The following CDH4 variants were observed in gnomAD, a reference collection of about 807,000 sequenced individuals.
The protein encoded by CDH4 is cadherin-4.
Under a neutral mutation model 86.0 loss-of-function variants are expected in CDH4, and 33 were observed. The observed-to-expected ratio is 0.38, with a 90% CI of 0.29 to 0.51. CDH4 has a LOEUF of 0.51. Among genes scored for constraint, CDH4 ranks in the 20% least tolerant of loss-of-function variants. CDH4 has a pLI of 0.86. For synonymous variants in CDH4, 555 were observed against 549.4 expected, an observed-to-expected ratio of 1.01 and a Z score of -0.14; for missense variants, 1,114 against 1,307.4, an observed-to-expected ratio of 0.85 and a Z score of 2.28.
At chr20:61,383,825 A>G (rs1479153804) in intron 2 of CDH4, among the ~76,000 whole-genome samples, 1 of 96,540 alleles carries the variant, frequency 1.0e-5, no homozygotes, top group Non-Finnish European at 2.2e-5. Flanking sequence ...ATATGCGTAT[A>G]TATGAAGATA....
intron 2 of CDH4, among the ~76,000 whole-genome samples, chr20:61,604,126 C>G (rs1032153116): frequency 6.6e-6 from 1 of 152,210 alleles, no homozygotes; most frequent in African/African-American, 2.4e-5. Flanking sequence ...AACTCCCAGT[C>G]CAAAGTGCTG....
intron 2 of CDH4, among the ~76,000 whole-genome samples, chr20:61,514,428 T>C (rs1364819779): frequency 6.6e-6 from 1 of 151,928 alleles, no homozygotes; most frequent in East Asian, 1.9e-4. Context: ...GATGTTATCT[T>C]GGGTTTCCAT....
At chr20:61,273,585 A>G (rs1261082247) in intron 2 of CDH4, among the ~76,000 whole-genome samples, 6 of 90,610 alleles carry the variant, frequency 6.6e-5, no homozygotes, top group African/African-American at 8.9e-5. Flanking sequence ...GGGAATACCG[A>G]GTGCAGTTTG....
At chr20:61,358,839 A>C (rs184776683) in intron 2 of CDH4, among the ~76,000 whole-genome samples, 1 of 152,300 alleles carries the variant, frequency 6.6e-6, no homozygotes, top group Non-Finnish European at 1.5e-5. Flanking sequence ...GAGCCACGGA[A>C]ACCGTTCCCT....
chr20:61,867,049 G>T (rs1023793751), intron 6 of CDH4, among the ~76,000 whole-genome samples: 1 of 152,242 alleles, frequency 6.6e-6, no homozygotes, highest in African/African-American at 2.4e-5. Context: ...GGAGCATCCA[G>T]TGAGGAACCA....
chr20:61,419,874 A>G (rs1257629780), intron 2 of CDH4, among the ~76,000 whole-genome samples: 2 of 152,218 alleles, frequency 1.3e-5, no homozygotes, highest in African/African-American at 4.8e-5. Context: ...CACAGCCATC[A>G]TCAGAATTGA....
chr20:61,367,854 C>T (rs961874709), intron 2 of CDH4, among the ~76,000 whole-genome samples: 3 of 149,824 alleles, frequency 2.0e-5, no homozygotes, highest in African/African-American at 7.4e-5. Context: ...CTGGAAATGC[C>T]TTTCTCCAGG....
intron 2 of CDH4, among the ~76,000 whole-genome samples, chr20:61,726,768 C>T (rs548812484): frequency 6.6e-6 from 1 of 151,852 alleles, no homozygotes; most frequent in East Asian, 1.9e-4. Context: ...TCGGAGGCAT[C>T]ACCATTGCTG....
At chr20:61,274,809 C>CTGTGTG (rs2084217296) in intron 2 of CDH4, among the ~76,000 whole-genome samples, 1 of 138,756 alleles carries the variant, frequency 7.2e-6, no homozygotes. Flanking sequence ...TGGGGGAGTA[C>CTGTGTG]CATGTGCAGT....
chr20:61,733,488 C>T (rs1350602814), intron 2 of CDH4, among the ~76,000 whole-genome samples: 1 of 152,148 alleles, frequency 6.6e-6, no homozygotes, highest in African/African-American at 2.4e-5. Flanking sequence ...CCCACAGACC[C>T]TCTGCTCCCT....
intron 4 of CDH4, among the ~76,000 whole-genome samples, chr20:61,834,529 G>A (rs905204978): frequency 1.3e-5 from 2 of 152,224 alleles, no homozygotes; most frequent in African/African-American, 4.8e-5. Flanking sequence ...GAAAGTAGAC[G>A]CTGTGTGACA....
chr20:61,607,667 G>A (rs937862049), intron 2 of CDH4, among the ~76,000 whole-genome samples: 4 of 152,150 alleles, frequency 2.6e-5, no homozygotes, highest in African/African-American at 4.8e-5. Flanking sequence ...ATCAAGCCAG[G>A]GCCAAAGACC....
In CDH4 at chr20:61,844,746, G is replaced by A. The variant is rs2146101899; in HGVS notation, c.655G>A (p.Val219Ile). Residue 219 changes from valine (V) to isoleucine (I), a missense_variant, in exon 5 of 16, where the codon GTC becomes ATC. Around this residue, in one of 3 missense-constraint regions of CDH4, gnomAD observed 705 missense variants for 914.1 expected, o/e 0.77. Transcript: ENST00000614565. The part of the protein sequence containing the change: ...GVGADQPPME[V>I]FSIDSMSGRM... ...GGGCGCCGACCAGCCCCCCATGGAG[G>A]TCTTCAGCATTGACTCCATGTCCGG... 1.9e-6 allele frequency: 3 copies of A among 1,614,040 alleles called. No homozygotes were observed. In the South Asian group the frequency reaches 3.3e-5, roughly 18 times the overall value.
At chr20:61,536,825 A>G (rs1325299962) in intron 2 of CDH4, among the ~76,000 whole-genome samples, 2 of 152,130 alleles carry the variant, frequency 1.3e-5, no homozygotes, top group Admixed American at 1.3e-4. Context: ...GACGAGAGGA[A>G]GGAAGGAGGG....
intron 2 of CDH4, among the ~76,000 whole-genome samples, chr20:61,529,633 C>T (rs952402634): frequency 2.0e-5 from 3 of 152,196 alleles, no homozygotes; most frequent in Non-Finnish European, 2.9e-5. Flanking sequence ...TCTGCTGTTT[C>T]ATACGTTTCT....
chr20:61,435,781 C>G (rs770593769), intron 2 of CDH4: 1 of 152,280 alleles, frequency 6.6e-6, no homozygotes, highest in Non-Finnish European at 1.5e-5. Context: ...GGTGTCGACT[C>G]CCCAGTACCC....
chr20:61,571,123 A>T (rs1174756155), intron 2 of CDH4, among the ~76,000 whole-genome samples: 5 of 152,090 alleles, frequency 3.3e-5, no homozygotes, highest in African/African-American at 1.2e-4. Context: ...TGGCTGTGTG[A>T]ATAACCCGCC....
intron 2 of CDH4, among the ~76,000 whole-genome samples, chr20:61,372,394 C>T (rs1277992327): frequency 2.0e-5 from 3 of 152,246 alleles, no homozygotes; most frequent in East Asian, 1.9e-4. Context: ...GCTTCGCCTC[C>T]TTCTCCGTGC....
rs1417197124 is a variant in CDH4, at chr20:61,589,464, T to C, written c.170-154099T>C. ...TGTTTCTAATGTGTAAATTTTCAGA[T>C]GCTTTTCTGCTAGAAAATTCCTCTT... is the stretch of plus-strand genomic sequence containing the variant. On this transcript the variant is annotated intron_variant, in intron 2 of 15. Transcript: ENST00000614565. Among the ~76,000 whole-genome samples, 3 of 152,242 alleles carry C rather than the reference T, an allele frequency of 2.0e-5. No homozygotes were observed. The East Asian group carries it at 5.8e-4, about 29-fold the overall frequency.
Sources: gnomAD v4.1 joint callset for allele counts (sites outside exome capture counted in the v4.1 genomes callset) on GRCh38, gnomAD v4.1.1 for gene constraint, gnomAD v4.1.1 regional missense constraint, MANE v1.5 for transcripts, NCBI Gene and HGNC (gene_info 2026-07-23, HGNC 2026-07-21) for gene names.